PAK5: variants seen among roughly 807,000 people sequenced by gnomAD.
PAK5 encodes serine/threonine-protein kinase PAK 5.
PAK5 carries 16 observed loss-of-function variants against 65.9 expected under a neutral mutation model. That is an observed-to-expected ratio of 0.24 (90% CI 0.16 to 0.37). PAK5 has a LOEUF of 0.37. PAK5 is among the 10% of genes least tolerant of loss of function. PAK5 has a pLI of 1.00. For synonymous variants in PAK5, 371 were observed against 354.9 expected (o/e 1.05, Z -0.51); for missense variants, 785 against 903.9 (o/e 0.87, Z 1.69).
At chr20:9,787,179 G>A (rs2049001382) in intron 1 of PAK5, among the ~76,000 whole-genome samples, 1 of 152,156 alleles carries the variant, frequency 6.6e-6, no homozygotes, top group African/African-American at 2.4e-5. Flanking sequence ...GCAGATAAGA[G>A]AAATAAAGCA....
At chr20:9,540,594 C>T (rs1175975133) in intron 9 of PAK5, among the ~76,000 whole-genome samples, 4 of 152,196 alleles carry the variant, frequency 2.6e-5, no homozygotes, top group African/African-American at 9.7e-5. Flanking sequence ...TTATACCACA[C>T]ATTATCCATT....
chr20:9,627,834 C>A (rs192716354), intron 3 of PAK5, among the ~76,000 whole-genome samples: 3 of 152,116 alleles, frequency 2.0e-5, no homozygotes, highest in Non-Finnish European at 4.4e-5. Context: ...ACCATGTTGG[C>A]CAGGCTGGTC....
chr20:9,832,825 T>A (rs902726819), intron 1 of PAK5, among the ~76,000 whole-genome samples: 16 of 152,252 alleles, frequency 1.1e-4, no homozygotes, highest in Non-Finnish European at 2.2e-4. Flanking sequence ...TTTTGAATTA[T>A]GCATTCAGAT....
chr20:9,570,406 A>G (rs1271659415), intron 4 of PAK5, among the ~76,000 whole-genome samples: 1 of 152,198 alleles, frequency 6.6e-6, no homozygotes, highest in Non-Finnish European at 1.5e-5. Context: ...TAAAATATTC[A>G]AAACCAAGCT....
At chr20:9,774,950 G>T (rs4622806) in intron 1 of PAK5, among the ~76,000 whole-genome samples, 7 of 151,676 alleles carry the variant, frequency 4.6e-5, no homozygotes, top group East Asian at 1.9e-4. Context: ...AGCGAGACTC[G>T]GTCAAAAAAA....
At position 9,580,214 on chromosome 20, in the gene PAK5, A is replaced by T; in HGVS notation, c.921T>A (p.His307Gln). 6.2e-7 allele frequency: 1 copy of T among 1,614,034 alleles called. No individual in the cohort carries two copies. The highest frequency in any genetic ancestry group is 1.1e-5 in the South Asian group (1 of 91,076). ...AGGAGTTGTAGGAGTGTCCTTGGGGATGGGTTTTAAATGCACTTGCTCCAA... is the reference window on the plus strand; with the variant it reads ...AGGAGTTGTAGGAGTGTCCTTGGGGTTGGGTTTTAAATGCACTTGCTCCAA... The part of the protein sequence containing the change: ...MPFGASAFKT[H>Q]PQGHSYNSYT... The change falls in exon 4 of 10, where the codon CAT becomes CAA. Residue 307 changes from histidine (H) to glutamine (Q), a missense_variant. Around this residue, in one of 4 missense-constraint regions of PAK5, gnomAD observed 422 missense variants for 413.3 expected, o/e 1.02. Transcript: ENST00000353224.
chr20:9,704,648 G>C (rs2047983343), intron 2 of PAK5, among the ~76,000 whole-genome samples: 1 of 152,058 alleles, frequency 6.6e-6, no homozygotes, highest in Non-Finnish European at 1.5e-5. Flanking sequence ...CTAGGACACT[G>C]AACCTGAGAC....
intron 1 of PAK5, among the ~76,000 whole-genome samples, chr20:9,741,989 C>T (rs1179675289): frequency 6.6e-6 from 1 of 152,082 alleles, no homozygotes; most frequent in Non-Finnish European, 1.5e-5. Flanking sequence ...TAAACCCTAC[C>T]TTAGAAAGAT....
At position 9,576,266 on chromosome 20, in the gene PAK5, A is replaced by G. The variant is rs554593776; in HGVS notation, c.990+3879T>C. 2.0e-5 allele frequency among the ~76,000 whole-genome samples: 3 copies of G among 152,328 alleles called. No individual in the cohort carries two copies. The South Asian group carries it at 6.2e-4, about 32-fold the overall frequency. On this transcript the variant is annotated intron_variant, in intron 4 of 9. Transcript: ENST00000353224. The stretch of plus-strand genomic sequence containing the variant: ...AATAAGTGGCAATGTCAAGACTCAA[A>G]CCCAGGCAGTTTATCTCCAAAATCT...
At chr20:9,644,455 C>A in intron 2 of PAK5, 116 bp from the exon 3 acceptor site, 1 of 658,316 alleles carries the variant, frequency 1.5e-6, no homozygotes, top group Non-Finnish European at 2.6e-6. Context: ...CTCTAGATCC[C>A]AGCTGCAAAA....
chr20:9,820,212 A>G (rs1252842430), intron 1 of PAK5, among the ~76,000 whole-genome samples: 1 of 152,204 alleles, frequency 6.6e-6, no homozygotes, highest in African/African-American at 2.4e-5. Context: ...AAATCTATTC[A>G]TTATTTCCTC....
intron 7 of PAK5, among the ~76,000 whole-genome samples, chr20:9,545,783 C>T (rs1252081138): frequency 2.0e-5 from 3 of 152,128 alleles, no homozygotes; most frequent in African/African-American, 4.8e-5. Context: ...CAAGTACTTC[C>T]AAACTCAGCA....
chr20:9,675,470 A>C (rs2047557136), intron 2 of PAK5, among the ~76,000 whole-genome samples: 1 of 152,138 alleles, frequency 6.6e-6, no homozygotes, highest in African/African-American at 2.4e-5. Context: ...ATGAATGGAT[A>C]AAACTTAACA....
intron 2 of PAK5, among the ~76,000 whole-genome samples, chr20:9,708,929 C>T (rs949704771): frequency 1.8e-4 from 13 of 72,718 alleles, no homozygotes; most frequent in African/African-American, 6.8e-4. Flanking sequence ...TGTCTTCCTT[C>T]CTTCCTCTGC....
At chr20:9,749,815 T>C (rs1261128088) in intron 1 of PAK5, among the ~76,000 whole-genome samples, 2 of 152,146 alleles carry the variant, frequency 1.3e-5, no homozygotes, top group Non-Finnish European at 2.9e-5. Flanking sequence ...TGGACTACAG[T>C]TTAACTGGAC....
chr20:9,729,233 T>A (rs1334805834), intron 1 of PAK5, among the ~76,000 whole-genome samples: 2 of 146,440 alleles, frequency 1.4e-5, no homozygotes, highest in Non-Finnish European at 1.5e-5. Context: ...AAACTCCATC[T>A]CAAAAAAAAA....
intron 1 of PAK5, among the ~76,000 whole-genome samples, chr20:9,752,130 T>C (rs2048584081): frequency 6.6e-6 from 1 of 152,064 alleles, no homozygotes; most frequent in Non-Finnish European, 1.5e-5. Context: ...CTGCTTGACA[T>C]AGGTGACTAA....
chr20:9,695,173 C>T (rs1041870745), intron 2 of PAK5, among the ~76,000 whole-genome samples: 11 of 151,978 alleles, frequency 7.2e-5, no homozygotes, highest in African/African-American at 2.7e-4. Flanking sequence ...TGTAGATATC[C>T]TCTTTTGTGA....
chr20:9,748,910 C>T (rs2048540838), intron 1 of PAK5, among the ~76,000 whole-genome samples: 1 of 152,166 alleles, frequency 6.6e-6, no homozygotes, highest in South Asian at 2.1e-4. Context: ...TTGAACAGCA[C>T]AGCCCTAGAA....
Sources: allele counts gnomAD v4.1 joint callset (sites outside exome capture counted in the v4.1 genomes callset), GRCh38; gene constraint gnomAD v4.1.1; regional missense constraint gnomAD v4.1.1; transcripts MANE v1.5; gene names NCBI Gene and HGNC (gene_info 2026-07-23, HGNC 2026-07-21).